The following MAGI2 variants were observed in gnomAD, a reference collection of about 807,000 sequenced individuals.
The protein encoded by MAGI2 is membrane-associated guanylate kinase, WW and PDZ domain-containing protein 2.
A neutral mutation model predicts 133.3 loss-of-function variants in MAGI2; 35 were observed. The observed-to-expected ratio is 0.26, with a 90% CI of 0.20 to 0.35. The LOEUF (loss-of-function observed/expected upper bound fraction) is 0.35, where lower values mean the gene tolerates loss of function less well. Ranked by LOEUF, MAGI2 falls within the 10% of genes least tolerant of loss-of-function variation. The probability of loss-of-function intolerance (pLI) is 1.00; values close to 1 mark genes in which losing one functional copy is unlikely to be tolerated. For missense variants in MAGI2, 1,636 were observed against 1,863.4 expected (o/e 0.88, Z 2.25); for synonymous variants, 729 against 710.6 (o/e 1.03, Z -0.41).
intron 3 of MAGI2, among the ~76,000 whole-genome samples, chr7:78,540,195 A>G (rs1218531290): frequency 1.3e-5 from 2 of 152,216 alleles, no homozygotes; most frequent in Non-Finnish European, 2.9e-5. Flanking sequence ...GAGAAAGACC[A>G]TCAGGTAGGG....
At chr7:78,721,552 T>C (rs897754601) in intron 2 of MAGI2, among the ~76,000 whole-genome samples, 1 of 152,036 alleles carries the variant, frequency 6.6e-6, no homozygotes, top group Non-Finnish European at 1.5e-5. Context: ...GAAAGGAACA[T>C]ATTGAAATCT....
At chr7:78,713,005 A>T (rs1369700665) in intron 2 of MAGI2, among the ~76,000 whole-genome samples, 1 of 152,190 alleles carries the variant, frequency 6.6e-6, no homozygotes, top group Non-Finnish European at 1.5e-5. Flanking sequence ...TACATACGAA[A>T]ATGAAAACAT....
At chr7:78,658,756 C>G (rs937169914) in intron 2 of MAGI2, among the ~76,000 whole-genome samples, 8 of 152,090 alleles carry the variant, frequency 5.3e-5, no homozygotes, top group Admixed American at 1.3e-4. Context: ...ATTAGTACCA[C>G]AATGAGATAT....
chr7:78,914,949 G>A lies in MAGI2; in HGVS notation c.418+92141C>T, dbSNP rs987678270. 1.2e-4 allele frequency among the ~76,000 whole-genome samples: 18 copies of A among 152,094 alleles called. 1 individual carries two copies. In the South Asian group the frequency reaches 1.5e-3, roughly 12 times the overall value. On this transcript the variant is annotated intron_variant, in intron 2 of 21. Transcript: ENST00000354212. ...TTTCCTTGGAAACTATCAGAATAGC[G>A]GGTAGAAAATACAGAAGTCATTTAT...
At chr7:78,623,389 T>G (rs1807957984) in intron 3 of MAGI2, among the ~76,000 whole-genome samples, 1 of 152,098 alleles carries the variant, frequency 6.6e-6, no homozygotes, top group African/African-American at 2.4e-5. Flanking sequence ...CCATGGGAAA[T>G]TATTCTGTAA....
chr7:78,194,235 A>G (rs1828506753), intron 12 of MAGI2, among the ~76,000 whole-genome samples: 1 of 152,226 alleles, frequency 6.6e-6, no homozygotes, highest in African/African-American at 2.4e-5. Flanking sequence ...CAATATCAAA[A>G]GCCTTGTTTT....
At chr7:78,258,012 T>C (rs1793162062) in intron 9 of MAGI2, among the ~76,000 whole-genome samples, 1 of 152,186 alleles carries the variant, frequency 6.6e-6, no homozygotes, top group Non-Finnish European at 1.5e-5. Context: ...AATAAAACAA[T>C]TAACAGCATT....
intron 2 of MAGI2, among the ~76,000 whole-genome samples, chr7:78,715,640 A>T (rs950163804): frequency 6.6e-6 from 1 of 152,234 alleles, no homozygotes; most frequent in Non-Finnish European, 1.5e-5. Context: ...TAAAAAGCAT[A>T]GAAGGGTGAA....
intron 21 of MAGI2, chr7:78,072,949 C>A (rs949811625): frequency 2.3e-5 from 9 of 398,640 alleles, no homozygotes; most frequent in Non-Finnish European, 3.5e-5. Flanking sequence ...TGAGCCACCC[C>A]GCCTGGCTGG....
intron 2 of MAGI2, among the ~76,000 whole-genome samples, chr7:78,915,468 C>A (rs1798714797): frequency 6.6e-6 from 1 of 151,896 alleles, no homozygotes; most frequent in Non-Finnish European, 1.5e-5. Context: ...ATTTTAAGCA[C>A]CCTAGAGAGT....
chr7:79,186,078 C>T (rs1297268291), intron 1 of MAGI2, among the ~76,000 whole-genome samples: 2 of 150,880 alleles, frequency 1.3e-5, no homozygotes, highest in Non-Finnish European at 2.9e-5. Flanking sequence ...TGTGCATAGA[C>T]ACATATATAC....
At chr7:78,795,040 T>C (rs1291784120) in intron 2 of MAGI2, among the ~76,000 whole-genome samples, 1 of 152,028 alleles carries the variant, frequency 6.6e-6, no homozygotes, top group Non-Finnish European at 1.5e-5. Context: ...CCACTTTTAT[T>C]CAACATAGTA....
chr7:78,067,590 A>G (rs1450078000), intron 21 of MAGI2, among the ~76,000 whole-genome samples: 2 of 152,202 alleles, frequency 1.3e-5, no homozygotes, highest in Non-Finnish European at 2.9e-5. Flanking sequence ...TATAGTTAAC[A>G]GCTATTTAGT....
intron 21 of MAGI2, among the ~76,000 whole-genome samples, chr7:78,041,568 G>C (rs1810851029): frequency 1.3e-5 from 2 of 152,144 alleles, no homozygotes; most frequent in Admixed American, 1.3e-4. Flanking sequence ...CTAGCTACTA[G>C]GGAGAATGAG....
In MAGI2 at chr7:79,182,103, C is replaced by T. The variant is rs537474252; in HGVS notation, c.302-174897G>A. ...TTCTTCTGAGCCCTCCAAACTGTTCCAATCTCTGCCTGTTACCCAGTTTCA... is the reference window on the plus strand; with the variant it reads ...TTCTTCTGAGCCCTCCAAACTGTTCTAATCTCTGCCTGTTACCCAGTTTCA... On this transcript the variant is annotated intron_variant, in intron 1 of 21. Coordinates refer to ENST00000354212, the MANE Select transcript of MAGI2 (RefSeq NM_012301.4). Among the ~76,000 whole-genome samples, 9 of 152,138 alleles carry T rather than the reference C, an allele frequency of 5.9e-5. No individual in the cohort carries two copies. In the South Asian group the frequency reaches 1.7e-3, roughly 28 times the overall value.
In MAGI2 at chr7:79,129,830, G is replaced by C. The variant is rs1225351275; in HGVS notation, c.302-122624C>G. On this transcript the variant is annotated intron_variant, in intron 1 of 21. Transcript: ENST00000354212. ...GAGGTTTCAGAGCAAGAAGATAAAG[G>C]TGTGAAATGAAAATCTTGCTGGGTG... Among the ~76,000 whole-genome samples the C allele has an allele frequency of 2.0e-5, 3 of 152,162 alleles. No individual in the cohort carries two copies. In the East Asian group the frequency reaches 5.8e-4, roughly 29 times the overall value.
chr7:78,127,407 C>T lies in MAGI2; in HGVS notation c.3213G>A (p.Ser1071=), dbSNP rs7812015. Residue 1071 remains serine, a synonymous_variant, in exon 19 of 22, where the codon TCG becomes TCA. Coordinates refer to ENST00000354212, the MANE Select transcript of MAGI2 (RefSeq NM_012301.4). The part of the protein sequence containing the change: ...QLQGHENSYR[S]EVKARQDVKP... ...TCACATCTTGCCTTGCTTTCACTTC[C>T]GACCTGTAACTAAATCAATGGAAAT... The T allele has an allele frequency of 0.86, 1,371,893 of 1,601,268 alleles. 591,156 individuals are homozygous for T. The highest frequency in any genetic ancestry group is 0.91 in the African/African-American group (68,256 of 74,970).
intron 2 of MAGI2, among the ~76,000 whole-genome samples, chr7:78,841,122 C>CAT (rs1792109472): frequency 6.6e-6 from 1 of 151,554 alleles, no homozygotes; most frequent in African/African-American, 2.4e-5. Context: ...AAGTCTGTCT[C>CAT]ATAAGTAACC....
At chr7:78,964,704 A>G (rs533603177) in intron 2 of MAGI2, among the ~76,000 whole-genome samples, 3 of 152,188 alleles carry the variant, frequency 2.0e-5, no homozygotes, top group African/African-American at 7.2e-5. Flanking sequence ...CACTTTTGAC[A>G]TAAAGGGGTT....
Sources: allele counts gnomAD v4.1 joint callset (sites outside exome capture counted in the v4.1 genomes callset), GRCh38; gene constraint gnomAD v4.1.1; transcripts MANE v1.5; gene names NCBI Gene and HGNC (gene_info 2026-07-23, HGNC 2026-07-21).